RAB30: variants seen among roughly 807,000 people sequenced by gnomAD.
RAB30 encodes RAB30, member RAS oncogene family.
RAB30 carries 9 observed loss-of-function variants against 25.1 expected under a neutral mutation model. That is an observed-to-expected ratio of 0.36 (90% CI 0.22 to 0.63). The LOEUF (loss-of-function observed/expected upper bound fraction) is 0.63. Ranked by LOEUF, RAB30 falls within the 20% of genes least tolerant of loss-of-function variation. The probability of loss-of-function intolerance (pLI) is 0.69; values close to 1 mark genes in which losing one functional copy is unlikely to be tolerated. For synonymous variants in RAB30, 77 were observed against 86.4 expected (o/e 0.89, Z 0.60); for missense variants, 140 against 243.5 (o/e 0.58, Z 2.83).
chr11:83,048,346 C>T (rs2121517421), intron 1 of RAB30, among the ~76,000 whole-genome samples: 1 of 152,068 alleles, frequency 6.6e-6, no homozygotes, highest in East Asian at 1.9e-4. Context: ...GTGGCACATG[C>T]CTGTAGTCCC....
At chr11:83,033,192 G>A (rs1000673407) in intron 1 of RAB30, among the ~76,000 whole-genome samples, 3 of 151,172 alleles carry the variant, frequency 2.0e-5, no homozygotes, top group Non-Finnish European at 2.9e-5. Flanking sequence ...AGCCTCCGGA[G>A]TAGCTAGGAT....
At chr11:83,054,698 G>GA (rs34041776) in intron 1 of RAB30, among the ~76,000 whole-genome samples, 31,733 of 147,290 alleles carry the variant, frequency 0.22, 4,022 homozygotes, top group Admixed American at 0.28. Context: ...CTGTGTCTAC[G>GA]AAAAAAAAAA....
chr11:82,993,926 A>T (rs3793987), intron 3 of RAB30, 113 bp downstream of exon 3: 249,961 of 830,570 alleles, frequency 0.3, 39,121 homozygotes, highest in Admixed American at 0.33. Context: ...GGCTGAGTGC[A>T]TTGTTTCCAT....
chr11:83,068,123 CAAAA>C (rs35256261), intron 1 of RAB30, among the ~76,000 whole-genome samples: 1 of 115,260 alleles, frequency 8.7e-6, no homozygotes. Context: ...GACTCTGTCT[CAAAA>C]AAAAAAAAAA....
intron 3 of RAB30, 138 bp downstream of exon 3, chr11:82,993,901 G>T: frequency 1.6e-6 from 1 of 636,964 alleles, no homozygotes; most frequent in Non-Finnish European, 2.6e-6. Context: ...AAGAACTCTG[G>T]AAATAAGCCA....
At chr11:83,049,304 G>A (rs1001758592) in intron 1 of RAB30, among the ~76,000 whole-genome samples, 5 of 151,884 alleles carry the variant, frequency 3.3e-5, no homozygotes, top group Non-Finnish European at 7.4e-5. Flanking sequence ...CCAGCTTCTC[G>A]GGAGGTTGAG....
At chr11:83,068,157 G>C (rs1424234180) in intron 1 of RAB30, among the ~76,000 whole-genome samples, 14 of 150,852 alleles carry the variant, frequency 9.3e-5, no homozygotes, top group Non-Finnish European at 7.4e-5. Context: ...CGTTAGCTGA[G>C]CATGGTGGCG....
intron 4 of RAB30, among the ~76,000 whole-genome samples, chr11:82,983,406 G>A (rs888699422): frequency 1.3e-5 from 2 of 152,102 alleles, no homozygotes; most frequent in East Asian, 3.8e-4. Flanking sequence ...TTCATCATGT[G>A]TGGAATAACC....
intron 1 of RAB30, chr11:83,034,186 C>T (rs1426449894): frequency 2.0e-5 from 3 of 152,266 alleles, no homozygotes; most frequent in African/African-American, 7.2e-5. Context: ...AATTTTCTCT[C>T]GTCCTCAGGG....
intron 1 of RAB30, among the ~76,000 whole-genome samples, chr11:83,032,448 G>T (rs951692600): frequency 1.3e-5 from 2 of 152,134 alleles, no homozygotes; most frequent in South Asian, 2.1e-4. Flanking sequence ...CAGCTTCTAG[G>T]ATACAAATAA....
At chr11:83,052,605 A>G (rs1858379747) in intron 1 of RAB30, among the ~76,000 whole-genome samples, 1 of 152,228 alleles carries the variant, frequency 6.6e-6, no homozygotes, top group Non-Finnish European at 1.5e-5. Flanking sequence ...ATTCCCTGAC[A>G]AGACACTGTG....
chr11:82,990,955 T>G (rs1379847373), intron 3 of RAB30, among the ~76,000 whole-genome samples: 3 of 152,180 alleles, frequency 2.0e-5, no homozygotes, highest in Non-Finnish European at 4.4e-5. Flanking sequence ...TTGGCCTTAA[T>G]AGCTACAAAA....
At chr11:83,002,591 CA>C (rs1216188904) in intron 1 of RAB30, among the ~76,000 whole-genome samples, 2 of 151,784 alleles carry the variant, frequency 1.3e-5, no homozygotes, top group East Asian at 3.9e-4. Flanking sequence ...AAAAGAAAAA[CA>C]AAAACCACTG....
rs1856577640 is a variant in RAB30 at position 82,978,211 on chromosome 11, A to G, written c.*3954T>C. 1 of 152,224 alleles carries G rather than the reference A, an allele frequency of 6.6e-6. No individual in the cohort carries two copies. The highest frequency in any genetic ancestry group is 1.5e-5 in the Non-Finnish European group (1 of 68,046). The allele number at this position is 152,224 out of a possible 1,614,324, so 9.4% of individuals were successfully genotyped here. Reference sequence around the variant, plus strand: ...AGTTGCAGTTAAAACAACAACAACAACAACAAAAAATTTTGGAAAAAAAGG... The same window carrying G: ...AGTTGCAGTTAAAACAACAACAACAGCAACAAAAAATTTTGGAAAAAAAGG... On this transcript the variant is annotated 3_prime_UTR_variant, in exon 5 of 5. Transcript: ENST00000527633.
At chr11:83,005,695 T>C (rs1306380091) in intron 1 of RAB30, among the ~76,000 whole-genome samples, 1 of 152,034 alleles carries the variant, frequency 6.6e-6, no homozygotes, top group Non-Finnish European at 1.5e-5. Flanking sequence ...GAGAAGGCTT[T>C]CTAAGAATTA....
chr11:82,999,203 T>C (rs1857022274), intron 1 of RAB30, among the ~76,000 whole-genome samples: 1 of 152,262 alleles, frequency 6.6e-6, no homozygotes, highest in African/African-American at 2.4e-5. Context: ...ATAAGGTTTG[T>C]ATTTACTAAC....
At chr11:83,016,106 C>T (rs1857430907) in intron 1 of RAB30, among the ~76,000 whole-genome samples, 1 of 152,156 alleles carries the variant, frequency 6.6e-6, no homozygotes, top group Non-Finnish European at 1.5e-5. Context: ...CCACTGTACT[C>T]CAGCCTGGGC....
At chr11:83,005,547 A>C (rs771347502) in intron 1 of RAB30, among the ~76,000 whole-genome samples, 17 of 152,340 alleles carry the variant, frequency 1.1e-4, no homozygotes, top group Middle Eastern at 3.4e-3. Flanking sequence ...GTGGAAAAAA[A>C]TTAAGTTGGA....
At chr11:83,020,948 A>G (rs897241747) in intron 1 of RAB30, among the ~76,000 whole-genome samples, 1 of 152,138 alleles carries the variant, frequency 6.6e-6, no homozygotes, top group Admixed American at 6.5e-5. Flanking sequence ...TGACAGGATG[A>G]CCAGCTGCAG....
Sources: allele counts gnomAD v4.1 joint callset (sites outside exome capture counted in the v4.1 genomes callset), GRCh38; gene constraint gnomAD v4.1.1; transcripts MANE v1.5; gene names NCBI Gene and HGNC (gene_info 2026-07-23, HGNC 2026-07-21).